The following GML variants were observed in gnomAD, a reference collection of about 807,000 sequenced individuals.
The protein encoded by GML is glycosylphosphatidylinositol anchored molecule like.
In GML, 5 loss-of-function variants were observed where a neutral mutation model predicts 8.2. That is an observed-to-expected ratio of 0.61 (90% CI 0.32 to 1.28). GML has a LOEUF of 1.28. Ranked by LOEUF, GML falls within the 50% of genes most tolerant of loss-of-function variation. The pLI, the probability that GML is intolerant of heterozygous loss-of-function variation, is 0.06. For missense variants in GML, 191 were observed against 198.3 expected (o/e 0.96, Z 0.22); for synonymous variants, 72 against 69.0 (o/e 1.04, Z -0.22).
intron 3 of GML, among the ~76,000 whole-genome samples, chr8:142,843,958 A>G (rs56400819): frequency 0.62 from 93,892 of 152,130 alleles, 29,318 homozygotes; most frequent in East Asian, 0.85. Flanking sequence ...CAGCAGGGGT[A>G]TGTTTGTGTT....
At chr8:142,846,183 A>C (rs369448875) in intron 3 of GML, among the ~76,000 whole-genome samples, 6 of 152,224 alleles carry the variant, frequency 3.9e-5, no homozygotes. Flanking sequence ...ATAGAAAACT[A>C]TCTCCAGAAG....
chr8:142,841,445 A>G (rs143070249), intron 3 of GML, among the ~76,000 whole-genome samples: 7 of 152,294 alleles, frequency 4.6e-5, no homozygotes, highest in East Asian at 1.9e-4. Flanking sequence ...AAGTAGTACA[A>G]TCTGTCCACA....
Position 142,846,678 on chromosome 8 carries a change from T to C in GML, c.465T>C (p.Asn155=). 1 of 1,613,062 alleles carries C rather than the reference T, an allele frequency of 6.2e-7. No homozygotes were observed. The highest frequency in any genetic ancestry group is 1.1e-5 in the South Asian group (1 of 91,040). Residue 155 remains asparagine, a synonymous_variant, in exon 4 of 4, where the codon AAT becomes AAC. Coordinates refer to ENST00000220940, the MANE Select transcript of GML (RefSeq NM_002066.3). ...LLSFASIIVS[N]ILP is the part of the protein sequence containing the mutation. ...GTTTTGCCTCTATCATAGTCAGCAA[T>C]ATATTGCCATGAGGACCCCACCTTG...
intron 2 of GML, among the ~76,000 whole-genome samples, 192 bp downstream of exon 2, chr8:142,840,702 A>G (rs1816418337): frequency 6.6e-6 from 1 of 152,118 alleles, no homozygotes; most frequent in Admixed American, 6.5e-5. Context: ...AGGATGAAGG[A>G]GCAGCTGACC....
chr8:142,837,938 T>C (rs181921977), intron 1 of GML, among the ~76,000 whole-genome samples: 15,148 of 138,822 alleles, frequency 0.11, 1,195 homozygotes, highest in East Asian at 0.43. Flanking sequence ...CCACTTTGGT[T>C]CCCCGTGAGC....
rs1387319272 is a variant in GML at position 142,841,633 on chromosome 8, T to TC, written c.181+414dup. On this transcript the variant is annotated intron_variant, in intron 3 of 3. Transcript: ENST00000220940. ...TCAAAGCAGTGGATGGGCCATGGAC[T>TC]CCCCCCAGGGAAAAACCTACCACAC... Among the ~76,000 whole-genome samples, 12 of 152,000 alleles carry TC rather than the reference T, an allele frequency of 7.9e-5. 2 individuals carry two copies. The highest frequency in any genetic ancestry group is 6.5e-4 in the Admixed American group (10 of 15,274).
chr8:142,841,334 C>T (rs1816432002), intron 3 of GML, 109 bp downstream of exon 3: 1 of 695,722 alleles, frequency 1.4e-6, no homozygotes, highest in South Asian at 1.6e-5. Flanking sequence ...TCTGTTTCCC[C>T]TTCCCTCATG....
Position 142,846,549 on chromosome 8 carries a change from A to G in GML, c.336A>G (p.Ala112=), listed in dbSNP as rs769514354. The change falls in exon 4 of 4, where the codon GCA becomes GCG. Residue 112 remains alanine (A), a synonymous_variant. Coordinates refer to ENST00000220940, the MANE Select transcript of GML (RefSeq NM_002066.3). ...VCCCNSMVCN[A]GGPTNLERDM... ...GTTGTAATAGCATGGTTTGCAATGC[A>G]GGAGGACCTACTAATCTTGAAAGGG... is the stretch of plus-strand genomic sequence containing the variant. 4 of 1,614,138 alleles carry G rather than the reference A, an allele frequency of 2.5e-6. No homozygotes were observed. The highest frequency in any genetic ancestry group is 3.4e-6 in the Non-Finnish European group (4 of 1,179,954).
chr8:142,839,003 G>A (rs952745642), intron 1 of GML, among the ~76,000 whole-genome samples: 8 of 152,340 alleles, frequency 5.3e-5, no homozygotes, highest in Non-Finnish European at 1.2e-4. Flanking sequence ...GACAGTAGAA[G>A]GGTGTTCAGA....
At position 142,840,497 on chromosome 8, in the gene GML, C is replaced by G. The variant is rs1330979834; in HGVS notation, c.60C>G (p.Thr20=). ...MELPLVAASA[T]MRAQWTYSLR... is the part of the protein sequence containing the mutation. ...TCCCATTGGTGGCAGCCAGTGCCAC[C>G]ATGCGCGCTCAGTGTAAGTATCATT... Residue 20 remains threonine, a synonymous_variant, in exon 2 of 4, where the codon ACC becomes ACG. Coordinates refer to ENST00000220940, the MANE Select transcript of GML (RefSeq NM_002066.3). The G allele has an allele frequency of 3.1e-6, 5 of 1,609,110 alleles. No homozygotes were observed. The highest frequency in any genetic ancestry group is 4.3e-6 in the Non-Finnish European group (5 of 1,175,498).
chr8:142,844,440 T>C (rs1816479047), intron 3 of GML, among the ~76,000 whole-genome samples: 2 of 152,202 alleles, frequency 1.3e-5, no homozygotes, highest in African/African-American at 4.8e-5. Context: ...CACATAAGAA[T>C]GAAATTGATA....
chr8:142,846,630 G>A lies in GML; in HGVS notation c.417G>A (p.Leu139=), dbSNP rs750486186. 1.2e-6 allele frequency: 2 copies of A among 1,613,974 alleles called. No individual in the cohort carries two copies. Among genetic ancestry groups the A allele is most frequent in the South Asian group, 2.2e-5 (2 of 91,074 alleles). ...AGCTTCCAGAAGGAACTGTGAGGCT[G>A]GGGGTATCAAAACTGTTGCTGAGTT... is the stretch of plus-strand genomic sequence containing the variant. ...EEELPEGTVR[L]GVSKLLLSFA... The change falls in exon 4 of 4, where the codon CTG becomes CTA. Residue 139 remains leucine (L), a synonymous_variant. Transcript: ENST00000220940.
chr8:142,835,079 CA>C (rs11301934), intron 1 of GML: 152,132 of 152,140 alleles, frequency 1, 76,062 homozygotes, highest in Middle Eastern at 1. Context: ...GGGGACCCCT[CA>C]AAACTCCACT....
At chr8:142,839,122 C>T (rs2027890) in intron 1 of GML, among the ~76,000 whole-genome samples, 1 of 152,168 alleles carries the variant, frequency 6.6e-6, no homozygotes. Flanking sequence ...GTGAAGGAGG[C>T]ATCCAGGGAA....
At chr8:142,840,576 TGGGATGATTG>T (rs1309271761) in intron 2 of GML, 66 bp downstream of exon 2, 2 of 1,147,038 alleles carry the variant, frequency 1.7e-6, no homozygotes, top group East Asian at 4.7e-5. Context: ...TGGGGGTCAC[TGGGATGATTG>T]GCTGCAACGT....
intron 3 of GML, among the ~76,000 whole-genome samples, chr8:142,842,185 T>A (rs1816443534): frequency 6.6e-6 from 1 of 152,204 alleles, no homozygotes; most frequent in South Asian, 2.1e-4. Context: ...CTTCCTGCCA[T>A]CATTTGAAGC....
chr8:142,840,363 T>C (rs1816410327), intron 1 of GML, 53 bp from the exon 2 acceptor site: 21 of 1,147,566 alleles, frequency 1.8e-5, no homozygotes, highest in Non-Finnish European at 2.8e-5. Context: ...GGCATAGAGC[T>C]GGCCAAGGAG....
chr8:142,840,594 C>A, intron 2 of GML, 84 bp downstream of exon 2: 1 of 984,728 alleles, frequency 1.0e-6, no homozygotes. Flanking sequence ...TTGGCTGCAA[C>A]GTGGAGCAAG....
In GML at chr8:142,841,235, T is replaced by G; in HGVS notation, c.181+10T>G. ...ATGACAATCTCCATTCGTAAGTACC[T>G]CTTTGTCATTTTGACACATTGTAGA... On this transcript the variant is annotated intron_variant, in intron 3 of 3. Transcript: ENST00000220940. 7.8e-7 allele frequency: 1 copy of G among 1,278,072 alleles called. No homozygotes were observed. Among genetic ancestry groups the G allele is most frequent in the East Asian group, 2.3e-5 (1 of 42,982 alleles). 79.2% of individuals were successfully genotyped at this position (1,278,072 alleles called of 1,614,324 possible).
Sources: gnomAD v4.1 joint callset for allele counts (sites outside exome capture counted in the v4.1 genomes callset) on GRCh38, gnomAD v4.1.1 for gene constraint, MANE v1.5 for transcripts, NCBI Gene and HGNC (gene_info 2026-07-23, HGNC 2026-07-21) for gene names.